GPHN: variants seen among roughly 807,000 people sequenced by gnomAD.
The protein encoded by GPHN is gephyrin.
Under a neutral mutation model 95.5 loss-of-function variants are expected in GPHN, and 17 were observed. The ratio of observed to expected loss-of-function variants is 0.18; its 90% CI spans 0.12 to 0.27. GPHN has a LOEUF of 0.27. GPHN is among the 10% of genes least tolerant of loss of function. GPHN has a pLI of 1.00. For missense variants in GPHN, 660 were observed against 978.1 expected, an observed-to-expected ratio of 0.67 and a Z score of 4.34; for synonymous variants, 320 against 322.5, an observed-to-expected ratio of 0.99 and a Z score of 0.08.
intron 3 of GPHN, among the ~76,000 whole-genome samples, chr14:66,790,237 C>T (rs1247757520): frequency 6.6e-6 from 1 of 152,136 alleles, no homozygotes; most frequent in East Asian, 1.9e-4. Flanking sequence ...TAAATGTAAC[C>T]TCCCAGGGGC....
chr14:67,379,723 C>T, the GPHN span, among the ~76,000 whole-genome samples: 2 of 127,958 alleles, frequency 1.6e-5, no homozygotes, highest in Non-Finnish European at 3.0e-5. Context: ...GGCGGGATCT[C>T]GGCTCACTGC....
At chr14:67,726,302 TG>T in the GPHN span, 1 of 702,126 alleles carries the variant, frequency 1.4e-6, no homozygotes, top group South Asian at 1.5e-5. Context: ...TGTTGTTCAC[TG>T]TACCTCTCCT....
At chr14:67,089,146 T>TTTTTA in intron 12 of GPHN, 71 bp downstream of exon 12, 1 of 485,650 alleles carries the variant, frequency 2.1e-6, no homozygotes, top group Non-Finnish European at 3.6e-6. Flanking sequence ...TTTTTTTTTT[T>TTTTTA]TTTTTTTTTT....
At chr14:67,328,867 T>G in the GPHN span, among the ~76,000 whole-genome samples, 33 of 152,190 alleles carry the variant, frequency 2.2e-4, no homozygotes, top group Non-Finnish European at 3.5e-4. Context: ...AGCATGCTGT[T>G]TTGGTTACTG....
intron 10 of GPHN, among the ~76,000 whole-genome samples, chr14:67,033,556 C>G (rs1427939066): frequency 6.7e-6 from 1 of 149,198 alleles, no homozygotes; most frequent in Non-Finnish European, 1.5e-5. Flanking sequence ...AGAGTGAGAC[C>G]CTGACTCAAA....
chr14:67,611,144 G>A, the GPHN span: 1 of 152,984 alleles, frequency 6.5e-6, no homozygotes, highest in Non-Finnish European at 1.5e-5. Context: ...TCATCCATAA[G>A]ATGCCCCTGG....
intron 1 of GPHN, among the ~76,000 whole-genome samples, chr14:66,558,442 G>A (rs2060094442): frequency 6.6e-6 from 1 of 152,058 alleles, no homozygotes; most frequent in Non-Finnish European, 1.5e-5. Context: ...AAGAGGCAAG[G>A]TGTCAGAAAG....
At chr14:67,567,526 C>T in the GPHN span, among the ~76,000 whole-genome samples, 14 of 151,842 alleles carry the variant, frequency 9.2e-5, no homozygotes, top group African/African-American at 1.7e-4. Flanking sequence ...TACTTGGGCT[C>T]GATGTATCTG....
chr14:66,508,718 G>T (rs912738424), intron 1 of GPHN, 127 bp downstream of exon 1: 7 of 863,560 alleles, frequency 8.1e-6, no homozygotes, highest in Non-Finnish European at 1.4e-5. Context: ...AACCGCGGGG[G>T]TGCATTTTAC....
chr14:66,978,690 A>G (rs1257071042), intron 9 of GPHN, among the ~76,000 whole-genome samples: 1 of 152,036 alleles, frequency 6.6e-6, no homozygotes, highest in Non-Finnish European at 1.5e-5. Flanking sequence ...ACTTCTTCCA[A>G]CTCCTATTAA....
chr14:66,610,677 T>A (rs1393856328), intron 1 of GPHN, among the ~76,000 whole-genome samples: 1 of 152,132 alleles, frequency 6.6e-6, no homozygotes, highest in African/African-American at 2.4e-5. Context: ...AGGAAGACTT[T>A]ATTTAGGGTC....
At chr14:67,502,869 G>C in the GPHN span, among the ~76,000 whole-genome samples, 4 of 152,126 alleles carry the variant, frequency 2.6e-5, no homozygotes, top group African/African-American at 9.7e-5. Context: ...ACCTTGTACA[G>C]GGTCCTGAAA....
At chr14:66,588,259 T>C (rs745684095) in intron 1 of GPHN, among the ~76,000 whole-genome samples, 1 of 150,430 alleles carries the variant, frequency 6.6e-6, no homozygotes, top group South Asian at 2.2e-4. Flanking sequence ...AGAACAAAGA[T>C]AGAGAAATCC....
At chr14:66,969,791 ACT>A (rs1301677657) in intron 9 of GPHN, 3 of 150,440 alleles carry the variant, frequency 2.0e-5, no homozygotes. Context: ...ACAGAACAAA[ACT>A]CTCTCTCCAG....
At chr14:67,011,436 G>A (rs544051466) in intron 9 of GPHN, among the ~76,000 whole-genome samples, 3 of 151,380 alleles carry the variant, frequency 2.0e-5, no homozygotes, top group Admixed American at 2.0e-4. Context: ...ATCTCGGGGG[G>A]ATGTCACATG....
intron 3 of GPHN, among the ~76,000 whole-genome samples, chr14:66,777,984 C>A (rs867378608): frequency 2.0e-5 from 3 of 151,954 alleles, no homozygotes; most frequent in African/African-American, 7.2e-5. Context: ...GGCAATCAGG[C>A]AGGAGAAGGA....
chr14:67,666,621 C>T, the GPHN span, among the ~76,000 whole-genome samples: 1 of 152,184 alleles, frequency 6.6e-6, no homozygotes, highest in Admixed American at 6.5e-5. Flanking sequence ...TTTAAAAATT[C>T]TTTAGGCTCA....
At chr14:67,554,796 C>T in the GPHN span, among the ~76,000 whole-genome samples, 1 of 152,204 alleles carries the variant, frequency 6.6e-6, no homozygotes, top group African/African-American at 2.4e-5. Context: ...CCTGAAGAGC[C>T]TCCACGTACA....
chr14:67,069,929 C>T (rs1445624395), intron 11 of GPHN, among the ~76,000 whole-genome samples: 1 of 152,154 alleles, frequency 6.6e-6, no homozygotes, highest in Non-Finnish European at 1.5e-5. Flanking sequence ...CAAGTGAAAG[C>T]ATATATTTTT....
Sources: allele counts gnomAD v4.1 joint callset (sites outside exome capture counted in the v4.1 genomes callset), GRCh38; gene constraint gnomAD v4.1.1; transcripts MANE v1.5; gene names NCBI Gene and HGNC (gene_info 2026-07-23, HGNC 2026-07-21).